PROS1: variants seen among roughly 807,000 people sequenced by gnomAD.
PROS1 encodes the protein protein S, also known as vitamin K-dependent protein S.
In PROS1, 29 loss-of-function variants were observed where a neutral mutation model predicts 75.9. The observed-to-expected ratio is 0.38, with a 90% CI of 0.28 to 0.52. The LOEUF (loss-of-function observed/expected upper bound fraction) is 0.52. Ranked by LOEUF, PROS1 falls within the 20% of genes least tolerant of loss-of-function variation. The probability of loss-of-function intolerance (pLI) is 0.83; values close to 1 mark genes in which losing one functional copy is unlikely to be tolerated. For synonymous variants in PROS1, 245 were observed against 280.6 expected, an observed-to-expected ratio of 0.87 and a Z score of 1.27; for missense variants, 680 against 810.3, an observed-to-expected ratio of 0.84 and a Z score of 1.95.
At chr3:93,945,838 G>A (rs1381722363) in intron 1 of PROS1, among the ~76,000 whole-genome samples, 6 of 152,126 alleles carry the variant, frequency 3.9e-5, no homozygotes, top group African/African-American at 1.4e-4. Flanking sequence ...GAAATAAAGG[G>A]CATTCAAGTA....
Position 93,927,391 on chromosome 3 carries a change from C to G in PROS1, c.93G>C (p.Gln31His). Residue 31 changes from glutamine to histidine, a missense_variant, in exon 2 of 15, where the codon CAG becomes CAC. By Grantham distance (24) the Gln-to-His change is conservative. Transcript: ENST00000394236. Reference sequence around the variant, plus strand: ...GCTTCCTAACCAGGACTTGTGAAGCCTGTTGCTTTGACAAAACTGAAGGAA... The same window carrying G: ...GCTTCCTAACCAGGACTTGTGAAGCGTGTTGCTTTGACAAAACTGAAGGAA... Reference protein sequence around the residue: ...VSEANFLSKQQASQVLVRKRR... With the variant: ...VSEANFLSKQHASQVLVRKRR... The G allele has an allele frequency of 6.2e-7, 1 of 1,614,058 alleles. No homozygotes were observed. The highest frequency in any genetic ancestry group is 8.5e-7 in the Non-Finnish European group (1 of 1,180,020).
At chr3:93,917,405 T>C (rs1708873301) in intron 3 of PROS1, among the ~76,000 whole-genome samples, 1 of 152,250 alleles carries the variant, frequency 6.6e-6, no homozygotes, top group South Asian at 2.1e-4. Context: ...GTTCAAGTGA[T>C]TCTTGTCCCT....
chr3:93,880,634 C>T (rs1708263241), intron 12 of PROS1, among the ~76,000 whole-genome samples: 1 of 152,062 alleles, frequency 6.6e-6, no homozygotes, highest in South Asian at 2.1e-4. Context: ...ATGCTCAAAT[C>T]AGGGTAATTG....
At chr3:93,888,215 C>T (rs1486744160) in intron 10 of PROS1, among the ~76,000 whole-genome samples, 1 of 152,234 alleles carries the variant, frequency 6.6e-6, no homozygotes, top group Non-Finnish European at 1.5e-5. Context: ...AACTTCCCAC[C>T]ACTTTGGAAA....
intron 1 of PROS1, among the ~76,000 whole-genome samples, chr3:93,942,855 C>A (rs572002864): frequency 2.0e-5 from 3 of 152,302 alleles, no homozygotes; most frequent in African/African-American, 7.2e-5. Context: ...AGGCCCCCTC[C>A]CTTCCCTACA....
intron 1 of PROS1, among the ~76,000 whole-genome samples, chr3:93,934,363 T>G (rs1709151605): frequency 6.6e-6 from 1 of 152,182 alleles, no homozygotes; most frequent in African/African-American, 2.4e-5. Flanking sequence ...TGAAAAAATG[T>G]GAAGGTTGCC....
intron 1 of PROS1, among the ~76,000 whole-genome samples, chr3:93,972,399 T>G (rs1709893358): frequency 6.6e-6 from 1 of 152,342 alleles, no homozygotes; most frequent in Admixed American, 6.5e-5. Flanking sequence ...TAATAGAAAC[T>G]AGTGGAATGT....
intron 1 of PROS1, among the ~76,000 whole-genome samples, chr3:93,940,124 G>T (rs1709259618): frequency 1.3e-5 from 2 of 152,186 alleles, no homozygotes; most frequent in South Asian, 4.1e-4. Context: ...CGCAGCCCGG[G>T]ATACCTCCTA....
At position 93,874,017 on chromosome 3, in the gene PROS1, ATTG is replaced by A; in HGVS notation, c.*225_*227del. 1 of 464,346 alleles carries A rather than the reference ATTG, an allele frequency of 2.2e-6. No homozygotes were observed. 28.8% of individuals were successfully genotyped at this position (464,346 alleles called of 1,614,324 possible). A position where few individuals can be genotyped will look rare whatever the true frequency, so the allele number is the denominator to read the frequency against. On this transcript the variant is annotated 3_prime_UTR_variant, in exon 15 of 15. Transcript: ENST00000394236. ...TGTAGGAAAAAAATTCAAATTTAAA[ATTG>A]TTATTTTTCACTATTCTTAGATAGC...
chr3:93,954,931 C>A (rs1349181035), intron 1 of PROS1, among the ~76,000 whole-genome samples: 1 of 152,176 alleles, frequency 6.6e-6, no homozygotes, highest in Non-Finnish European at 1.5e-5. Context: ...TGAACAGAAA[C>A]TTCTCAAAAG....
intron 1 of PROS1, among the ~76,000 whole-genome samples, chr3:93,949,324 T>C (rs1490381116): frequency 6.6e-6 from 1 of 152,218 alleles, no homozygotes; most frequent in Non-Finnish European, 1.5e-5. Flanking sequence ...TCACCTACTT[T>C]TATAAAATTG....
rs138031253 is a variant in PROS1 at position 93,943,778 on chromosome 3, A to G, written c.77-16371T>C. 3.6e-3 allele frequency among the ~76,000 whole-genome samples: 555 copies of G among 152,324 alleles called. 5 individuals carry two copies. The highest frequency in any genetic ancestry group is 0.012 in the African/African-American group (518 of 41,580). ...GAAGCAAGTGAAGAATCACCAAAGAAGTGAAAATGGCCTGTTCCTGCCTTA... is the reference window on the plus strand; with the variant it reads ...GAAGCAAGTGAAGAATCACCAAAGAGGTGAAAATGGCCTGTTCCTGCCTTA... On this transcript the variant is annotated intron_variant, in intron 1 of 14. Coordinates refer to ENST00000394236, the MANE Select transcript of PROS1 (RefSeq NM_000313.4).
intron 1 of PROS1, among the ~76,000 whole-genome samples, chr3:93,964,862 C>CAACA (rs1709763443): frequency 6.6e-6 from 1 of 152,048 alleles, no homozygotes; most frequent in African/African-American, 2.4e-5. Context: ...CTCAGCCAGC[C>CAACA]AACACTTATG....
At chr3:93,928,863 A>T (rs1162508277) in intron 1 of PROS1, 3 of 616,752 alleles carry the variant, frequency 4.9e-6, no homozygotes, top group Non-Finnish European at 7.4e-6. Context: ...GGAAATAAAC[A>T]TTATAAAGTG....
chr3:93,927,915 ATATATATATGTG>A (rs1188728644), intron 1 of PROS1, among the ~76,000 whole-genome samples: 25 of 135,070 alleles, frequency 1.9e-4, no homozygotes, highest in African/African-American at 6.9e-4. Flanking sequence ...GTGTGTGTGT[ATATATATATGTG>A]TATATATATA....
At chr3:93,917,391 C>T (rs1475852024) in intron 3 of PROS1, among the ~76,000 whole-genome samples, 1 of 152,230 alleles carries the variant, frequency 6.6e-6, no homozygotes, top group Non-Finnish European at 1.5e-5. Context: ...CCTCCACCTC[C>T]TGGGTTCAAG....
rs772748769 is a variant in PROS1, at chr3:93,910,690, A to C, written c.275T>G (p.Phe92Cys). The C allele has an allele frequency of 2.5e-6, 4 of 1,613,008 alleles. No individual in the cohort carries two copies. Among genetic ancestry groups the C allele is most frequent in the Non-Finnish European group, 3.4e-6 (4 of 1,179,252 alleles). Residue 92 changes from phenylalanine to cysteine, a missense_variant, in exon 4 of 15, where the codon TTT (phenylalanine) becomes TGT (cysteine). Transcript: ENST00000394236. ...TGCAGCAGTGAATAACCCAGTTTGAAAAGAGCGAAGACAAACTGAAAATAA... is the reference window on the plus strand; with the variant it reads ...TGCAGCAGTGAATAACCCAGTTTGACAAGAGCGAAGACAAACTGAAAATAA... ...YPKYLVCLRSFQTGLFTAARQ... is the reference protein window; with the variant it reads ...YPKYLVCLRSCQTGLFTAARQ...
At chr3:93,954,346 C>A (rs1362049003) in intron 1 of PROS1, among the ~76,000 whole-genome samples, 1 of 152,114 alleles carries the variant, frequency 6.6e-6, no homozygotes, top group Non-Finnish European at 1.5e-5. Context: ...CTACAGTAAC[C>A]AAAACAGCAT....
At chr3:93,916,674 G>A (rs979855157) in intron 3 of PROS1, among the ~76,000 whole-genome samples, 8 of 152,148 alleles carry the variant, frequency 5.3e-5, no homozygotes, top group African/African-American at 9.6e-5. Context: ...AAACTGATGC[G>A]GAAGCTCCCA....
Sources: allele counts gnomAD v4.1 joint callset (sites outside exome capture counted in the v4.1 genomes callset), GRCh38; gene constraint gnomAD v4.1.1; transcripts MANE v1.5; gene names NCBI Gene and HGNC (gene_info 2026-07-23, HGNC 2026-07-21).